Variants in C16orf92 observed in about 807,000 individuals in gnomAD.
C16orf92 encodes fertilization-influencing membrane protein.
In C16orf92, 14 loss-of-function variants were observed where a neutral mutation model predicts 13.7. The ratio of observed to expected loss-of-function variants is 1.02; its 90% CI spans 0.67 to 1.60. The LOEUF is 1.60. Ranked by LOEUF, C16orf92 falls within the 40% of genes most tolerant of loss-of-function variation. C16orf92 has a pLI of 0.00. For missense variants in C16orf92, 116 were observed against 139.0 expected (o/e 0.83, Z 0.83); for synonymous variants, 50 against 57.4 (o/e 0.87, Z 0.58).
downstream of C16orf92, chr16:30,026,615 G>A: frequency 6.2e-7 from 1 of 1,613,118 alleles, no homozygotes; most frequent in Non-Finnish European, 8.5e-7. Context: ...TCACCACTGA[G>A]AGTGGGAAGC....
downstream of C16orf92, chr16:30,027,159 G>A (rs2071181074): frequency 2.0e-6 from 1 of 492,044 alleles, no homozygotes; most frequent in Non-Finnish European, 4.0e-6. Flanking sequence ...GCCAAAATAA[G>A]CCCAGGACAG....
At chr16:30,026,276 G>A (rs1459620173), downstream of C16orf92, among the ~76,000 whole-genome samples, 5 of 152,142 alleles carry the variant, frequency 3.3e-5, no homozygotes, top group African/African-American at 1.2e-4. Context: ...TGCAGGAGCA[G>A]GTGCATGACT....
At chr16:30,025,066 G>A (rs940797981), downstream of C16orf92, 7 of 669,124 alleles carry the variant, frequency 1.0e-5, no homozygotes, top group South Asian at 6.9e-5. This position sits in a 1 kb window ranked among gnomAD's most constrained non-coding sequence, Gnocchi z 4.1. Context: ...CGGGGTCATC[G>A]TCAGTCCTGG....
chr16:30,026,916 G>GCTGCTGTGCTGACCCCTGA, downstream of C16orf92: 4 of 1,288,448 alleles, frequency 3.1e-6, no homozygotes, highest in Non-Finnish European at 4.4e-6. Flanking sequence ...AGATCTCAGG[G>GCTGCTGTGCTGACCCCTGA]GTCAGCACAG....
chr16:30,027,162 C>G (rs1261380142), downstream of C16orf92: 4 of 489,286 alleles, frequency 8.2e-6, no homozygotes, highest in Admixed American at 9.2e-5. Context: ...AAAATAAGCC[C>G]AGGACAGGCA....
At chr16:30,025,830 A>G (rs202086911), downstream of C16orf92, 383 of 1,611,056 alleles carry the variant, frequency 2.4e-4, no homozygotes, top group Non-Finnish European at 3.0e-4. This position sits in a 1 kb window ranked among gnomAD's most constrained non-coding sequence, Gnocchi z 4.1. Flanking sequence ...ACCTGGGCAC[A>G]GAGGCAGGAA....
In C16orf92 at chr16:30,024,649, A is replaced by G. The variant is rs2071014667; in HGVS notation, c.*422A>G. ...GGGTAGCAGCCACCTCCTTCCCCCAACCCAACAGACTAGTTCAAATTTGGG... is the reference window on the plus strand; with the variant it reads ...GGGTAGCAGCCACCTCCTTCCCCCAGCCCAACAGACTAGTTCAAATTTGGG... On this transcript the variant is annotated 3_prime_UTR_variant, in exon 4 of 4. Coordinates refer to ENST00000681219, the MANE Select transcript of C16orf92 (RefSeq NM_001109659.2). 1 of 224,006 alleles carries G rather than the reference A, an allele frequency of 4.5e-6. No homozygotes were observed. The highest frequency in any genetic ancestry group is 2.3e-5 in the African/African-American group (1 of 43,710). The allele number at this position is 224,006 out of a possible 1,614,324, so 13.9% of individuals were successfully genotyped here. A position where few individuals can be genotyped will look rare whatever the true frequency, so the allele number is the denominator to read the frequency against.
Position 30,023,269 on chromosome 16 carries a change from C to A in C16orf92, c.-72C>A. On this transcript the variant is annotated 5_prime_UTR_variant, in exon 1 of 4. Coordinates refer to ENST00000681219, the MANE Select transcript of C16orf92 (RefSeq NM_001109659.2). ...GGTCCCAGCTCCTAGCACTTTCTCC[C>A]CTCACCCCAAAGTGCCATCAGAACA... The A allele has an allele frequency of 7.2e-7, 1 of 1,393,002 alleles. No individual in the cohort carries two copies. Among genetic ancestry groups the A allele is most frequent in the Non-Finnish European group, 1.0e-6 (1 of 1,004,474 alleles). The allele number at this position is 1,393,002 out of a possible 1,614,324, so 86.3% of individuals were successfully genotyped here. A position where few individuals can be genotyped will look rare whatever the true frequency, so the allele number is the denominator to read the frequency against.
chr16:30,027,552 G>A (rs1030882858), downstream of C16orf92: 10 of 456,012 alleles, frequency 2.2e-5, no homozygotes, highest in Admixed American at 4.7e-5. Flanking sequence ...AGCGCTGTTC[G>A]CCCTGCCCCA....
chr16:30,024,353 CTCT>C lies in C16orf92; in HGVS notation c.*127_*129del. 1 of 1,314,844 alleles carries C rather than the reference CTCT, an allele frequency of 7.6e-7. No individual in the cohort carries two copies. Among genetic ancestry groups the C allele is most frequent in the African/African-American group, 1.5e-5 (1 of 67,098 alleles). The allele number at this position is 1,314,844 out of a possible 1,614,324, so 81.4% of individuals were successfully genotyped here. A position where few individuals can be genotyped will look rare whatever the true frequency, so the allele number is the denominator to read the frequency against. On this transcript the variant is annotated 3_prime_UTR_variant, in exon 4 of 4. Coordinates refer to ENST00000681219, the MANE Select transcript of C16orf92 (RefSeq NM_001109659.2). Reference sequence around the variant, plus strand: ...AGCGAGCAGCTGGGGATCCTGTCCCCTCTGTTTCCCATGGCCCAAGCCCCCCAC... The same window carrying C: ...AGCGAGCAGCTGGGGATCCTGTCCCCGTTTCCCATGGCCCAAGCCCCCCAC...
rs370815046 is a variant in C16orf92 at position 30,024,234 on chromosome 16, G to A, written c.*7G>A. On this transcript the variant is annotated 3_prime_UTR_variant, in exon 4 of 4. Coordinates refer to ENST00000681219, the MANE Select transcript of C16orf92 (RefSeq NM_001109659.2). ...CTTCCAGAAAGGGGCCTAAAGAGCC[G>A]GACAAGGGCTCTGGACTCAACCTGA... 54 of 1,613,554 alleles carry A rather than the reference G, an allele frequency of 3.3e-5. No individual in the cohort carries two copies. The highest frequency in any genetic ancestry group is 2.2e-4 in the East Asian group (10 of 44,884).
At chr16:30,026,057 C>T (rs937068254), downstream of C16orf92, among the ~76,000 whole-genome samples, 1 of 152,090 alleles carries the variant, frequency 6.6e-6, no homozygotes, top group African/African-American at 2.4e-5. Flanking sequence ...CATGGTGAAA[C>T]CCCGTCTGTA....
chr16:30,026,917 G>A (rs2071168951), downstream of C16orf92: 4 of 1,280,628 alleles, frequency 3.1e-6, no homozygotes, highest in Non-Finnish European at 4.5e-6. Context: ...GATCTCAGGG[G>A]TCAGCACAGC....
At position 30,024,468 on chromosome 16, in the gene C16orf92, C is replaced by T. The variant is rs2070998325; in HGVS notation, c.*241C>T. The T allele has an allele frequency of 1.0e-5, 6 of 597,340 alleles. No individual in the cohort carries two copies. The South Asian group carries it at 1.3e-4, about 13-fold the overall frequency. 37.0% of individuals were successfully genotyped at this position (597,340 alleles called of 1,614,324 possible). On this transcript the variant is annotated 3_prime_UTR_variant, in exon 4 of 4. Transcript: ENST00000681219. ...CGTCTTTTATTAGCGGTCTGTAAAG[C>T]ACCTCCCAGGGTCCCCCGACCCCAG...
At position 30,024,566 on chromosome 16, in the gene C16orf92, G is replaced by A; in HGVS notation, c.*339G>A. On this transcript the variant is annotated 3_prime_UTR_variant, in exon 4 of 4. Transcript: ENST00000681219. The stretch of plus-strand genomic sequence containing the variant: ...CCCGAGGGCGCGATGTGCAGCCGAT[G>A]GTGAGGGACTGGGCGCCCTCGCCTG... 5.4e-6 allele frequency: 2 copies of A among 370,148 alleles called. No homozygotes were observed. The highest frequency in any genetic ancestry group is 1.1e-4 in the South Asian group (2 of 18,316). 22.9% of individuals were successfully genotyped at this position (370,148 alleles called of 1,614,324 possible).
chr16:30,025,515 C>T (rs777338904), downstream of C16orf92: 5 of 1,602,880 alleles, frequency 3.1e-6, no homozygotes, highest in South Asian at 5.5e-5. This position sits in a 1 kb window ranked among gnomAD's most constrained non-coding sequence, Gnocchi z 4.1. Flanking sequence ...GGGCTCGGCC[C>T]CCCTTGGCCC....
downstream of C16orf92, chr16:30,024,943 G>A (rs1009670192): frequency 8.8e-6 from 4 of 452,006 alleles, no homozygotes; most frequent in South Asian, 4.9e-5. Flanking sequence ...GGTGGGAGGC[G>A]GTGCCCCCTC....
chr16:30,025,151 G>T (rs572783834), downstream of C16orf92: 374 of 1,326,486 alleles, frequency 2.8e-4, 1 homozygote, highest in African/African-American at 4.9e-3. This position sits in a 1 kb window ranked among gnomAD's most constrained non-coding sequence, Gnocchi z 4.1. Flanking sequence ...CGGGGGTGGG[G>T]GTGGGGAGGG....
At chr16:30,023,461 T>G in intron 1 of C16orf92, 57 bp downstream of exon 1, 1 of 1,548,788 alleles carries the variant, frequency 6.5e-7, no homozygotes, top group Non-Finnish European at 8.9e-7. Context: ...GCATAAAGTG[T>G]GATGCCCACT....
Sources: gnomAD v4.1 joint callset for allele counts (sites outside exome capture counted in the v4.1 genomes callset) on GRCh38, gnomAD v4.1.1 for gene constraint, Gnocchi (gnomAD v3.1) non-coding constraint, MANE v1.5 for transcripts, NCBI Gene and HGNC (gene_info 2026-07-23, HGNC 2026-07-21) for gene names.